Variants in GRM3 observed in about 807,000 individuals in gnomAD.
GRM3 encodes glutamate metabotropic receptor 3, also known as metabotropic glutamate receptor 3.
Under a neutral mutation model 70.5 loss-of-function variants are expected in GRM3, and 26 were observed. The ratio of observed to expected loss-of-function variants is 0.37; its 90% CI spans 0.27 to 0.51. GRM3 has a LOEUF of 0.51. Among genes scored for constraint, GRM3 ranks in the 20% least tolerant of loss-of-function variants. The probability of loss-of-function intolerance (pLI) is 0.93; values close to 1 mark genes in which losing one functional copy is unlikely to be tolerated. For missense variants in GRM3, 859 were observed against 1,123.8 expected (o/e 0.76, Z 3.37); for synonymous variants, 443 against 434.9 (o/e 1.02, Z -0.23).
chr7:86,854,909 A>G (rs182370701), intron 5 of GRM3, among the ~76,000 whole-genome samples: 79 of 152,312 alleles, frequency 5.2e-4, no homozygotes, highest in Middle Eastern at 3.4e-3. Flanking sequence ...CCACATCCAC[A>G]TGCAGTGATT....
intron 1 of GRM3, among the ~76,000 whole-genome samples, chr7:86,727,109 A>C (rs962687469): frequency 1.3e-5 from 2 of 152,212 alleles, no homozygotes; most frequent in African/African-American, 2.4e-5. Context: ...GAGGAAGATA[A>C]ATACAAGATA....
chr7:86,823,436 G>A (rs1274873693), intron 3 of GRM3, among the ~76,000 whole-genome samples: 3 of 151,820 alleles, frequency 2.0e-5, no homozygotes, highest in African/African-American at 7.3e-5. Flanking sequence ...AAACAAACTT[G>A]AAATTTGAAT....
chr7:86,698,535 T>TATATATATATAA (rs1562829875), intron 1 of GRM3, among the ~76,000 whole-genome samples: 1 of 142,142 alleles, frequency 7.0e-6, no homozygotes, highest in African/African-American at 2.8e-5. Context: ...TATATATATA[T>TATATATATATAA]ATAAAATACA....
At chr7:86,694,073 GT>G (rs1325651111) in intron 1 of GRM3, among the ~76,000 whole-genome samples, 2 of 152,166 alleles carry the variant, frequency 1.3e-5, no homozygotes, top group Non-Finnish European at 2.9e-5. Context: ...TGTTAACTCA[GT>G]ATGGACTGTG....
At chr7:86,728,668 C>T (rs1357005837) in intron 1 of GRM3, among the ~76,000 whole-genome samples, 1 of 152,152 alleles carries the variant, frequency 6.6e-6, no homozygotes, top group Non-Finnish European at 1.5e-5. Context: ...TTGGAGTACT[C>T]AGGTGTGACT....
chr7:86,765,773 A>AAG (rs2116418333), intron 2 of GRM3, among the ~76,000 whole-genome samples, 160 bp downstream of exon 2: 2 of 152,302 alleles, frequency 1.3e-5, no homozygotes, highest in Non-Finnish European at 2.9e-5. Flanking sequence ...GTTTGCAGGC[A>AAG]GAAGATTTTT....
At chr7:86,795,103 GT>G (rs148457218) in intron 3 of GRM3, among the ~76,000 whole-genome samples, 10 of 147,684 alleles carry the variant, frequency 6.8e-5, no homozygotes, top group African/African-American at 9.9e-5. Flanking sequence ...TCAAATGTAT[GT>G]TTTTTTTTTA....
chr7:86,693,772 G>C (rs1794748374), intron 1 of GRM3, among the ~76,000 whole-genome samples: 1 of 152,148 alleles, frequency 6.6e-6, no homozygotes, highest in Non-Finnish European at 1.5e-5. Context: ...ATTGCAATGA[G>C]TATTTATTGA....
chr7:86,664,751 C>T (rs1047161707), intron 1 of GRM3, among the ~76,000 whole-genome samples: 1 of 151,868 alleles, frequency 6.6e-6, no homozygotes, highest in African/African-American at 2.4e-5. Flanking sequence ...GAGGGTGATT[C>T]ACCAACACAA....
chr7:86,841,913 TAG>T (rs1362525138), intron 4 of GRM3, among the ~76,000 whole-genome samples: 4 of 152,166 alleles, frequency 2.6e-5, no homozygotes, highest in African/African-American at 7.2e-5. Flanking sequence ...GGTTGTGGAA[TAG>T]AGTTTTTTAA....
chr7:86,654,713 C>G (rs1246402726), intron 1 of GRM3, among the ~76,000 whole-genome samples: 1 of 152,174 alleles, frequency 6.6e-6, no homozygotes, highest in Non-Finnish European at 1.5e-5. Flanking sequence ...AAACCTTAGC[C>G]CAGGTTATCA....
At chr7:86,656,498 G>A (rs150276386) in intron 1 of GRM3, among the ~76,000 whole-genome samples, 61 of 151,918 alleles carry the variant, frequency 4.0e-4, no homozygotes, top group African/African-American at 1.4e-3. Flanking sequence ...CAAATTCCTG[G>A]TTTCAGGTGA....
chr7:86,846,089 T>C (rs988876399), intron 4 of GRM3, among the ~76,000 whole-genome samples: 11 of 152,184 alleles, frequency 7.2e-5, no homozygotes, highest in Non-Finnish European at 1.3e-4. Flanking sequence ...TCGCTGATGG[T>C]AGGAATTTGT....
intron 1 of GRM3, among the ~76,000 whole-genome samples, chr7:86,675,432 A>G (rs1306282393): frequency 2.0e-5 from 3 of 152,088 alleles, no homozygotes; most frequent in Non-Finnish European, 4.4e-5. Context: ...TTAAAACACA[A>G]GTAATCCTAG....
chr7:86,858,640 C>T (rs1262306670), intron 5 of GRM3, among the ~76,000 whole-genome samples: 1 of 152,166 alleles, frequency 6.6e-6, no homozygotes, highest in Admixed American at 6.6e-5. Context: ...TTATAAATTA[C>T]CTAGTAAGTG....
chr7:86,767,780 T>C (rs1002507967), intron 2 of GRM3, among the ~76,000 whole-genome samples: 3 of 151,922 alleles, frequency 2.0e-5, no homozygotes, highest in Non-Finnish European at 4.4e-5. Flanking sequence ...TCCAAAGTAA[T>C]TGAGAAACTG....
intron 3 of GRM3, among the ~76,000 whole-genome samples, chr7:86,808,934 T>C (rs190904123): frequency 8.2e-4 from 113 of 137,368 alleles, no homozygotes; most frequent in Middle Eastern, 7.1e-3. Flanking sequence ...TTTTGGACTT[T>C]ACTCTGAGTG....
intron 3 of GRM3, among the ~76,000 whole-genome samples, chr7:86,802,282 T>C (rs975368975): frequency 1.3e-5 from 2 of 152,108 alleles, no homozygotes; most frequent in Non-Finnish European, 2.9e-5. Flanking sequence ...CCGCTCCTGC[T>C]TCCTAAAAAG....
chr7:86,767,434 A>G (rs967577620), intron 2 of GRM3, among the ~76,000 whole-genome samples: 2 of 148,770 alleles, frequency 1.3e-5, no homozygotes, highest in East Asian at 2.0e-4. Context: ...CATCATGTTA[A>G]TTTTGCCACT....
Sources: gnomAD v4.1 joint callset for allele counts (sites outside exome capture counted in the v4.1 genomes callset) on GRCh38, gnomAD v4.1.1 for gene constraint, MANE v1.5 for transcripts, NCBI Gene and HGNC (gene_info 2026-07-23, HGNC 2026-07-21) for gene names.